Variants in CRTC2 observed in about 807,000 individuals in gnomAD.
The protein encoded by CRTC2 is CREB-regulated transcription coactivator 2.
CRTC2 carries 25 observed loss-of-function variants against 70.9 expected under a neutral mutation model. That is an observed-to-expected ratio of 0.35 (90% confidence interval 0.26 to 0.49). The LOEUF (loss-of-function observed/expected upper bound fraction) is 0.49, where lower values mean the gene tolerates loss of function less well. CRTC2 is among the 20% of genes least tolerant of loss of function. The probability of loss-of-function intolerance (pLI) is 0.98; values close to 1 mark genes in which losing one functional copy is unlikely to be tolerated. For missense variants in CRTC2, 737 were observed against 882.6 expected (o/e 0.83, Z 2.09); for synonymous variants, 330 against 364.1 (o/e 0.91, Z 1.07).
intron 1 of CRTC2, among the ~76,000 whole-genome samples, chr1:153,956,386 G>A (rs912534805): frequency 6.6e-6 from 1 of 152,210 alleles, no homozygotes; most frequent in African/African-American, 2.4e-5. Flanking sequence ...CCTGTGTACA[G>A]ACATCCTGTC....
Position 153,953,570 on chromosome 1 carries a change from C to G in CRTC2, c.471G>C (p.Gly157=), listed in dbSNP as rs751628051. 6.2e-7 allele frequency: 1 copy of G among 1,610,976 alleles called. No individual in the cohort carries two copies. The highest frequency in any genetic ancestry group is 1.1e-5 in the South Asian group (1 of 90,696). The change falls in exon 5 of 14, where the codon GGG becomes GGC. Residue 157 remains glycine, a synonymous_variant. Transcript: ENST00000368633. ...MAWGNFPAEK[G]QLFRLPSALN... ...GTGCAGATGGTAGTCGAAACAACTG[C>G]CCCTTCTCTGCAGGGAAATTGCCCC...
intron 1 of CRTC2, chr1:153,958,038 A>C: frequency 7.9e-7 from 1 of 1,267,406 alleles, no homozygotes; most frequent in South Asian, 1.7e-5. Flanking sequence ...GGACTCCGTC[A>C]GGGATGCACA....
At chr1:153,957,911 A>G (rs1680714789) in intron 1 of CRTC2, 1 of 480,996 alleles carries the variant, frequency 2.1e-6, no homozygotes, top group South Asian at 5.5e-5. Flanking sequence ...AAAGCGCAGA[A>G]GGCAGAGGGA....
chr1:153,953,505 G>A (rs1347451923), intron 5 of CRTC2, 33 bp downstream of exon 5: 3 of 1,593,714 alleles, frequency 1.9e-6, no homozygotes, highest in East Asian at 2.3e-5. Context: ...CTACAGATAA[G>A]AGATCTGGCC....
Position 153,952,011 on chromosome 1 carries a change from C to A in CRTC2, c.997+7G>T. 6.2e-7 allele frequency: 1 copy of A among 1,611,110 alleles called. No homozygotes were observed. Among genetic ancestry groups the A allele is most frequent in the South Asian group, 1.1e-5 (1 of 90,716 alleles). On this transcript the variant is annotated splice_region_variant and intron_variant, in intron 10 of 13. Transcript: ENST00000368633. ...CCAGTGGGCACATGGCCAGGACAGT[C>A]ACTCACCTGGTGCATCATAGCCTGG...
Position 153,954,926 on chromosome 1 carries a change from C to G in CRTC2, c.319G>C (p.Val107Leu), listed in dbSNP as rs1394699468. The change falls in exon 3 of 14, where the codon GTG becomes CTG. Residue 107 changes from valine (V) to leucine (L), a missense_variant. This residue lies in a region of CRTC2 where 699 missense variants were observed against 823.7 expected (regional missense o/e 0.85). Transcript: ENST00000368633. ...ACCATTCTTCGAGGATCTCGCTGCA[C>G]CCGTTCCACCAGCCCATGGTGCCGA... is the stretch of plus-strand genomic sequence containing the variant. ...STRHHGLVER[V>L]QRDPRRMVSP... The G allele has an allele frequency of 6.2e-7, 1 of 1,614,108 alleles. No individual in the cohort carries two copies. The highest frequency in any genetic ancestry group is 1.1e-5 in the South Asian group (1 of 91,068).
intron 12 of CRTC2, 32 bp downstream of exon 12, chr1:153,949,083 C>T (rs1557865229): frequency 6.3e-7 from 1 of 1,597,756 alleles, no homozygotes; most frequent in South Asian, 1.1e-5. Flanking sequence ...CACCCACTCC[C>T]CTGCTTTTGA....
chr1:153,951,366 C>A lies in CRTC2; in HGVS notation c.1298G>T (p.Ser433Ile). ...ASPHHRRVPLSPLSLLAGPAD... is the reference protein window; with the variant it reads ...ASPHHRRVPLIPLSLLAGPAD... ...TGGGCCCGCGAGCAAACTCAGGGGG[C>A]TGAGGGGCACACGGCGGTGGTGGGG... is the stretch of plus-strand genomic sequence containing the variant. The change falls in exon 11 of 14, where the codon AGC becomes ATC. Residue 433 changes from serine (S) to isoleucine (I), a missense_variant. Transcript: ENST00000368633. The A allele has an allele frequency of 6.2e-7, 1 of 1,612,434 alleles. No individual in the cohort carries two copies. Among genetic ancestry groups the A allele is most frequent in the Non-Finnish European group, 8.5e-7 (1 of 1,179,330 alleles).
chr1:153,953,754 G>A (rs569034293), intron 4 of CRTC2, 148 bp from the exon 5 acceptor site: 1 of 594,802 alleles, frequency 1.7e-6, no homozygotes, highest in Non-Finnish European at 3.0e-6. Flanking sequence ...TTCTTCTCCT[G>A]CCTATGATTG....
Position 153,948,662 on chromosome 1 carries a change from A to C in CRTC2, c.1675-18T>G. On this transcript the variant is annotated intron_variant, in intron 12 of 13. Coordinates refer to ENST00000368633, the MANE Select transcript of CRTC2 (RefSeq NM_181715.3). ...TGCTCCAGCTATAGACATACAGACA[A>C]ATCTTTAGGAAGTAGGATTTAGAAC... The C allele has an allele frequency of 6.4e-7, 1 of 1,567,052 alleles. No homozygotes were observed. Among genetic ancestry groups the C allele is most frequent in the South Asian group, 1.2e-5 (1 of 83,590 alleles).
chr1:153,951,930 G>C, intron 10 of CRTC2, 88 bp downstream of exon 10: 6 of 1,512,278 alleles, frequency 4.0e-6, no homozygotes, highest in Non-Finnish European at 5.4e-6. Context: ...GGTGATCACA[G>C]CAGGATCTCA....
Position 153,949,392 on chromosome 1 carries a change from G to A in CRTC2, c.1405-8C>T, listed in dbSNP as rs573568402. 1.9e-6 allele frequency: 3 copies of A among 1,596,288 alleles called. No individual in the cohort carries two copies. In the African/African-American group the frequency reaches 4.0e-5, roughly 21 times the overall value. On this transcript the variant is annotated splice_region_variant and splice_polypyrimidine_tract_variant and intron_variant, in intron 11 of 13. Transcript: ENST00000368633. Reference sequence around the variant, plus strand: ...GGTATCCAGGGGGACGCCCTGAAAAGAAGTAAAAAGAGGGAAGCTTACTGC... The same window carrying A: ...GGTATCCAGGGGGACGCCCTGAAAAAAAGTAAAAAGAGGGAAGCTTACTGC...
intron 3 of CRTC2, 90 bp downstream of exon 3, chr1:153,954,783 A>G (rs972592981): frequency 1.8e-6 from 2 of 1,105,566 alleles, no homozygotes; most frequent in African/African-American, 1.5e-5. Context: ...GAAGGAAGGG[A>G]CGCACAACAC....
chr1:153,958,238 T>G, intron 1 of CRTC2, 107 bp downstream of exon 1: 1 of 1,485,986 alleles, frequency 6.7e-7, no homozygotes, highest in Non-Finnish European at 8.9e-7. Context: ...CCGCGTCCCC[T>G]GCTCTGTTCC....
Position 153,954,239 on chromosome 1 carries a change from C to T in CRTC2, c.434+16G>A, listed in dbSNP as rs531423232. On this transcript the variant is annotated intron_variant, in intron 4 of 13. Coordinates refer to ENST00000368633, the MANE Select transcript of CRTC2 (RefSeq NM_181715.3). ...CAGAGAGTAGGCAGGAGCTTCTGCC[C>T]GCCCTGGACACTTACCTTCGCCAGC... is the stretch of plus-strand genomic sequence containing the variant. The T allele has an allele frequency of 2.2e-5, 36 of 1,603,792 alleles. No individual in the cohort carries two copies. Among genetic ancestry groups the T allele is most frequent in the Middle Eastern group, 1.7e-4 (1 of 6,038 alleles).
intron 10 of CRTC2, 40 bp downstream of exon 10, chr1:153,951,978 G>A (rs1409371857): frequency 3.1e-6 from 5 of 1,593,834 alleles, no homozygotes; most frequent in Admixed American, 3.4e-5. Context: ...CCTCCAGTCA[G>A]GCAGCACCCA....
chr1:153,949,670 G>A (rs1680219053), intron 11 of CRTC2, among the ~76,000 whole-genome samples: 1 of 152,090 alleles, frequency 6.6e-6, no homozygotes, highest in Non-Finnish European at 1.5e-5. Context: ...CCAACATGGT[G>A]AAACCCCGTC....
chr1:153,948,499 T>G lies in CRTC2; in HGVS notation c.1820A>C (p.His607Pro). The change falls in exon 13 of 14, where the codon CAC (histidine) becomes CCC (proline). Residue 607 changes from histidine to proline, a missense_variant. Physicochemically the swap from His to Pro is moderately conservative, Grantham distance 77. This residue lies in a region of CRTC2 where 699 missense variants were observed against 823.7 expected (regional missense o/e 0.85). Coordinates refer to ENST00000368633, the MANE Select transcript of CRTC2 (RefSeq NM_181715.3). ...AGGCCCTGAGCCATGGCGGGAACAG[T>G]GGGTCAAGTTCTGGTGGTTGAAGGT... ...PHTFNHQNLT[H>P]CSRHGSGPNI... 6.2e-7 allele frequency: 1 copy of G among 1,610,376 alleles called. No homozygotes were observed. The highest frequency in any genetic ancestry group is 1.1e-5 in the South Asian group (1 of 90,624).
At position 153,953,597 on chromosome 1, in the gene CRTC2, G is replaced by C. The variant is rs141182320; in HGVS notation, c.444C>G (p.Ala148=). 6.2e-7 allele frequency: 1 copy of C among 1,610,260 alleles called. No individual in the cohort carries two copies. Among genetic ancestry groups the C allele is most frequent in the Admixed American group, 1.7e-5 (1 of 59,754 alleles). The change falls in exon 5 of 14, where the codon GCC becomes GCG. Residue 148 remains alanine (A), a synonymous_variant. Coordinates refer to ENST00000368633, the MANE Select transcript of CRTC2 (RefSeq NM_181715.3). ...PPESSWRRTM[A]WGNFPAEKGQ... ...CCTTCTCTGCAGGGAAATTGCCCCA[G>C]GCCATCGTCCTGGGGTAGAAAAACA...
Sources: gnomAD v4.1 joint callset for allele counts (sites outside exome capture counted in the v4.1 genomes callset) on GRCh38, gnomAD v4.1.1 for gene constraint, gnomAD v4.1.1 regional missense constraint, MANE v1.5 for transcripts, NCBI Gene and HGNC (gene_info 2026-07-23, HGNC 2026-07-21) for gene names.